Variants in MTCL2 observed in about 807,000 individuals in gnomAD.
MTCL2 encodes microtubule cross-linking factor 2.
the MTCL2 span, chr20:36,816,198 T>C: frequency 6.2e-7 from 1 of 1,613,460 alleles, no homozygotes; most frequent in South Asian, 1.1e-5. Context: ...CTTCAGCAGC[T>C]CCTCCTTCAT....
chr20:36,797,970 C>T, the MTCL2 span, among the ~76,000 whole-genome samples: 1 of 152,180 alleles, frequency 6.6e-6, no homozygotes, highest in African/African-American at 2.4e-5. Context: ...GGCACTTTTT[C>T]CTGCTGGGCC....
chr20:36,862,893 G>A, the MTCL2 span: 4 of 1,244,594 alleles, frequency 3.2e-6, no homozygotes, highest in East Asian at 7.6e-5. Flanking sequence ...GACCCCCGCC[G>A]GGCCCCCGGC....
the MTCL2 span, among the ~76,000 whole-genome samples, chr20:36,847,246 G>A: frequency 5.3e-5 from 8 of 152,200 alleles, no homozygotes; most frequent in East Asian, 1.9e-4. Context: ...GGGTCAGTGC[G>A]TCATAACTGT....
the MTCL2 span, among the ~76,000 whole-genome samples, chr20:36,828,079 G>T: frequency 6.6e-6 from 1 of 152,206 alleles, no homozygotes; most frequent in Non-Finnish European, 1.5e-5. Context: ...GCTCGCCCTC[G>T]GGGGAGGAAG....
At chr20:36,786,550 A>G in the MTCL2 span, 1 of 1,551,150 alleles carries the variant, frequency 6.4e-7, no homozygotes, top group Non-Finnish European at 8.7e-7. Flanking sequence ...TGCAGCCTGC[A>G]CTTGGAAGGA....
chr20:36,794,594 T>C, the MTCL2 span: 21 of 1,613,770 alleles, frequency 1.3e-5, no homozygotes, highest in Admixed American at 1.7e-5. This position sits in a 1 kb window ranked among gnomAD's most constrained non-coding sequence, Gnocchi z 5.4. Context: ...AGAAACAGAT[T>C]TGGTTCTGCG....
At chr20:36,849,914 C>A in the MTCL2 span, among the ~76,000 whole-genome samples, 1 of 152,094 alleles carries the variant, frequency 6.6e-6, no homozygotes, top group East Asian at 1.9e-4. Flanking sequence ...AGCATGTGGT[C>A]TGAACCCAGC....
At chr20:36,842,854 G>A in the MTCL2 span, among the ~76,000 whole-genome samples, 2 of 152,170 alleles carry the variant, frequency 1.3e-5, no homozygotes, top group African/African-American at 2.4e-5. Context: ...GGGAAGCACC[G>A]AGGATGGCAG....
chr20:36,807,863 G>GTT, the MTCL2 span, among the ~76,000 whole-genome samples: 1 of 101,922 alleles, frequency 9.8e-6, no homozygotes, highest in Non-Finnish European at 2.0e-5. Context: ...GAGAAACCCT[G>GTT]TCTTTTTTTT....
chr20:36,779,884 G>A, the MTCL2 span: 2 of 152,248 alleles, frequency 1.3e-5, no homozygotes, highest in African/African-American at 4.8e-5. Flanking sequence ...GCATGGACCA[G>A]GGCCACTCCA....
At chr20:36,812,029 A>C in the MTCL2 span, among the ~76,000 whole-genome samples, 21 of 152,162 alleles carry the variant, frequency 1.4e-4, no homozygotes, top group African/African-American at 5.1e-4. Context: ...GCAATTCAAT[A>C]ACTACCATTC....
At chr20:36,809,651 C>A in the MTCL2 span, among the ~76,000 whole-genome samples, 1 of 150,184 alleles carries the variant, frequency 6.7e-6, no homozygotes, top group South Asian at 2.1e-4. Context: ...TCTCGGCTCA[C>A]TGTAACCTCC....
At chr20:36,793,308 G>C in the MTCL2 span, 7 of 1,551,818 alleles carry the variant, frequency 4.5e-6, no homozygotes, top group Middle Eastern at 1.7e-4. This position sits in a 1 kb window ranked among gnomAD's most constrained non-coding sequence, Gnocchi z 6.8. Flanking sequence ...TTCCCCACCT[G>C]GGGGAGCATG....
At chr20:36,831,537 G>A in the MTCL2 span, among the ~76,000 whole-genome samples, 2 of 152,324 alleles carry the variant, frequency 1.3e-5, no homozygotes, top group East Asian at 1.9e-4. Context: ...TGCCTGGGCC[G>A]AAGCCCAGCT....
the MTCL2 span, among the ~76,000 whole-genome samples, chr20:36,857,729 C>T: frequency 0.15 from 22,978 of 152,136 alleles, 2,024 homozygotes; most frequent in Middle Eastern, 0.26. Context: ...AAGCCTACTA[C>T]GTGGCCACTG....
chr20:36,819,263 T>G, the MTCL2 span, among the ~76,000 whole-genome samples: 1 of 152,238 alleles, frequency 6.6e-6, no homozygotes, highest in Non-Finnish European at 1.5e-5. Context: ...GGTGTATGTA[T>G]AAAACCTTGC....
chr20:36,863,271 G>A, the MTCL2 span: 3 of 1,192,132 alleles, frequency 2.5e-6, no homozygotes, highest in Non-Finnish European at 2.1e-6. This position sits in a 1 kb window ranked among gnomAD's most constrained non-coding sequence, Gnocchi z 6.2. Context: ...TTTCCTCTCC[G>A]GGGCAGGCGC....
At chr20:36,812,881 C>A in the MTCL2 span, 2 of 1,597,602 alleles carry the variant, frequency 1.3e-6, no homozygotes, top group East Asian at 2.3e-5. Flanking sequence ...AACCAAAGAT[C>A]ACCATGGGGA....
At chr20:36,779,508 G>A in the MTCL2 span, 1 of 152,474 alleles carries the variant, frequency 6.6e-6, no homozygotes, top group African/African-American at 2.4e-5. Flanking sequence ...GCTGCTTACA[G>A]AGAAGACAGT....
Sources: gnomAD v4.1 joint callset for allele counts (sites outside exome capture counted in the v4.1 genomes callset) on GRCh38, gnomAD v4.1.1 for gene constraint, Gnocchi (gnomAD v3.1) non-coding constraint, MANE v1.5 for transcripts, NCBI Gene and HGNC (gene_info 2026-07-23, HGNC 2026-07-21) for gene names.